The following DNM2 variants were observed in gnomAD, a reference collection of about 807,000 sequenced individuals.
DNM2 encodes dynamin-2.
Under a neutral mutation model 99.0 loss-of-function variants are expected in DNM2, and 15 were observed. The ratio of observed to expected loss-of-function variants is 0.15; its 90% confidence interval spans 0.10 to 0.23. The LOEUF is 0.23. Among genes scored for constraint, DNM2 ranks in the 10% least tolerant of loss-of-function variants. The pLI is 1.00. For synonymous variants in DNM2, 525 were observed against 481.2 expected (o/e 1.09, Z -1.19); for missense variants, 742 against 1,189.4 (o/e 0.62, Z 5.53).
At chr19:10,782,014 C>T (rs1477025862) in intron 5 of DNM2, among the ~76,000 whole-genome samples, 2 of 152,004 alleles carry the variant, frequency 1.3e-5, no homozygotes, top group Admixed American at 6.6e-5. Flanking sequence ...TTCCCTATTG[C>T]TCTTGTTTTT....
intron 8 of DNM2, 93 bp downstream of exon 8, chr19:10,793,948 A>G: frequency 2.5e-6 from 4 of 1,602,156 alleles, no homozygotes; most frequent in South Asian, 2.2e-5. Context: ...TAAGGTCTCA[A>G]GCTCCTACCT....
At chr19:10,728,488 T>G (rs1311198409) in intron 1 of DNM2, among the ~76,000 whole-genome samples, 2 of 152,142 alleles carry the variant, frequency 1.3e-5, no homozygotes, top group East Asian at 1.9e-4. Context: ...ATCTGAGGAC[T>G]GGGCCAAGAT....
chr19:10,819,362 C>T (rs932699577), intron 15 of DNM2, among the ~76,000 whole-genome samples: 3 of 152,196 alleles, frequency 2.0e-5, no homozygotes, highest in Non-Finnish European at 4.4e-5. Context: ...AAATCCCAGC[C>T]CTGCTCCTCT....
Position 10,829,253 on chromosome 19 carries a change from G to A in DNM2, c.2276G>A (p.Ser759Asn), listed in dbSNP as rs879254300. 2.4e-5 allele frequency: 39 copies of A among 1,613,264 alleles called. No individual in the cohort carries two copies. The highest frequency in any genetic ancestry group is 3.1e-5 in the Non-Finnish European group (36 of 1,179,994). The change falls in exon 19 of 21, where the codon AGC (serine) becomes AAC (asparagine). Residue 759 changes from serine to asparagine, a missense_variant. Ser to Asn is a conservative substitution (Grantham distance 46). Transcript: ENST00000389253. ...CCTGTCGATGACACCTGGCTCCAGAGCGCCAGCAGCCACAGGTCCGGAAGC... is the reference window on the plus strand; with the variant it reads ...CCTGTCGATGACACCTGGCTCCAGAACGCCAGCAGCCACAGGTCCGGAAGC... ...PPPVDDTWLQ[S>N]ASSHSPTPQR...
Position 10,759,724 on chromosome 19 carries a change from TC to T in DNM2, c.162-7del, listed in dbSNP as rs755984173. On this transcript the variant is annotated splice_polypyrimidine_tract_variant and intron_variant, in intron 1 of 20. Coordinates refer to ENST00000389253, the MANE Select transcript of DNM2 (RefSeq NM_001005361.3). ...GACGCAAGAGTAATTTCTGTCCCTC[TC>T]CCCCCCTCACAGGGACTTCCTTCCC... 2 of 1,613,586 alleles carry T rather than the reference TC, an allele frequency of 1.2e-6. No homozygotes were observed. The highest frequency in any genetic ancestry group is 8.5e-7 in the Non-Finnish European group (1 of 1,179,864).
In DNM2 at chr19:10,830,395, GC is replaced by G; in HGVS notation, c.2543+20del. 1 of 1,604,214 alleles carries G rather than the reference GC, an allele frequency of 6.2e-7. No homozygotes were observed. Among genetic ancestry groups the G allele is most frequent in the Non-Finnish European group, 8.5e-7 (1 of 1,177,918 alleles). ...AGTGCCCAGGTAAGGCCAACCCCCT[GC>G]CCTCCACCCCAACTGCCTGCACCCT... On this transcript the variant is annotated intron_variant, in intron 20 of 20. Transcript: ENST00000389253. The surrounding 1 kb of genome is among the most constrained non-coding windows in gnomAD (Gnocchi z 4.8).
intron 15 of DNM2, 146 bp from the exon 16 acceptor site, chr19:10,819,834 G>T: frequency 4.0e-6 from 3 of 757,876 alleles, no homozygotes; most frequent in Non-Finnish European, 7.1e-6. Flanking sequence ...GGACGGGGAA[G>T]GGCCGGCAGA....
chr19:10,797,746 G>A (rs2071989654), intron 10 of DNM2, among the ~76,000 whole-genome samples: 1 of 152,180 alleles, frequency 6.6e-6, no homozygotes, highest in Non-Finnish European at 1.5e-5. Context: ...GTTGCCAAAC[G>A]CATTGCATTT....
intron 11 of DNM2, among the ~76,000 whole-genome samples, chr19:10,800,901 G>A (rs1410464030): frequency 2.0e-5 from 3 of 152,066 alleles, no homozygotes; most frequent in Non-Finnish European, 2.9e-5. Context: ...TAGCTTGAGC[G>A]TGTGTGTGTG....
At chr19:10,732,049 G>A (rs1275878013) in intron 1 of DNM2, among the ~76,000 whole-genome samples, 1 of 150,634 alleles carries the variant, frequency 6.6e-6, no homozygotes, top group Non-Finnish European at 1.5e-5. Context: ...CCGCCTCCCA[G>A]GTTCAAGCGA....
At chr19:10,746,738 T>TTG (rs1555700266) in intron 1 of DNM2, among the ~76,000 whole-genome samples, 3 of 142,054 alleles carry the variant, frequency 2.1e-5, no homozygotes, top group Admixed American at 7.1e-5. Context: ...TTTTTTGTTT[T>TTG]TTTTTTTTTT....
chr19:10,749,855 G>T (rs1456609651), intron 1 of DNM2, among the ~76,000 whole-genome samples: 1 of 152,314 alleles, frequency 6.6e-6, no homozygotes, highest in South Asian at 2.1e-4. Flanking sequence ...AGGGAGGGGC[G>T]CAAGCCATCA....
chr19:10,799,278 G>T (rs573916134), intron 11 of DNM2, among the ~76,000 whole-genome samples: 1 of 152,056 alleles, frequency 6.6e-6, no homozygotes, highest in Non-Finnish European at 1.5e-5. Flanking sequence ...CCACCAGCCC[G>T]CTCCCTATCC....
At chr19:10,819,799 G>A (rs1212296106) in intron 15 of DNM2, among the ~76,000 whole-genome samples, 181 bp from the exon 16 acceptor site, 1 of 152,148 alleles carries the variant, frequency 6.6e-6, no homozygotes, top group Non-Finnish European at 1.5e-5. Context: ...CATCATGGAG[G>A]GCAGCGTGGC....
At chr19:10,759,637 G>A (rs535192926) in intron 1 of DNM2, 101 bp from the exon 2 acceptor site, 21 of 1,468,616 alleles carry the variant, frequency 1.4e-5, no homozygotes, top group South Asian at 4.5e-5. Context: ...TGCTGAGGTC[G>A]CCCAAATTGC....
chr19:10,817,600 C>T lies in DNM2; in HGVS notation c.1672-2380C>T, dbSNP rs1167228244. 1.2e-5 allele frequency: 4 copies of T among 342,796 alleles called. No homozygotes were observed. Among genetic ancestry groups the T allele is most frequent in the Non-Finnish European group, 2.4e-5 (4 of 168,630 alleles). 21.2% of individuals were successfully genotyped at this position (342,796 alleles called of 1,614,324 possible). A position where few individuals can be genotyped will look rare whatever the true frequency, so the allele number is the denominator to read the frequency against. On this transcript the variant is annotated intron_variant, in intron 15 of 20. Transcript: ENST00000389253. This position sits in a 1 kb window ranked among gnomAD's most constrained non-coding sequence, Gnocchi z 4.6. ...AGCAGCCAAGGAAACCACCACTCTT[C>T]CCGAGACGATCCGCTCTGTCCCTTC...
At chr19:10,758,843 C>A (rs1040586540) in intron 1 of DNM2, among the ~76,000 whole-genome samples, 2 of 152,150 alleles carry the variant, frequency 1.3e-5, no homozygotes, top group African/African-American at 4.8e-5. Context: ...CCACTGCACC[C>A]GGCCAGGATA....
intron 7 of DNM2, among the ~76,000 whole-genome samples, chr19:10,787,923 C>A (rs920764651): frequency 1.3e-5 from 2 of 151,070 alleles, no homozygotes; most frequent in African/African-American, 4.9e-5. Context: ...GGCAAGACTC[C>A]GTCTCCAAAA....
At chr19:10,808,117 T>C (rs1311337974) in intron 13 of DNM2, among the ~76,000 whole-genome samples, 1 of 149,978 alleles carries the variant, frequency 6.7e-6, no homozygotes, top group Non-Finnish European at 1.5e-5. Flanking sequence ...CACTCTGGCC[T>C]GGGCGGCTGA....
Sources: gnomAD v4.1 joint callset for allele counts (sites outside exome capture counted in the v4.1 genomes callset) on GRCh38, gnomAD v4.1.1 for gene constraint, Gnocchi (gnomAD v3.1) non-coding constraint, MANE v1.5 for transcripts, NCBI Gene and HGNC (gene_info 2026-07-23, HGNC 2026-07-21) for gene names.